The following GRIK3 variants were observed in gnomAD, a reference collection of about 807,000 sequenced individuals.
GRIK3 encodes the protein glutamate ionotropic receptor kainate type subunit 3, also known as glutamate receptor ionotropic, kainate 3.
Under a neutral mutation model 102.5 loss-of-function variants are expected in GRIK3, and 29 were observed. That is an observed-to-expected ratio of 0.28 (90% CI 0.21 to 0.39). The LOEUF is 0.39. GRIK3 is among the 10% of genes least tolerant of loss of function. GRIK3 has a pLI of 1.00. For missense variants in GRIK3, 908 were observed against 1,252.4 expected (o/e 0.73, Z 4.15); for synonymous variants, 511 against 504.9 (o/e 1.01, Z -0.16).
intron 3 of GRIK3, among the ~76,000 whole-genome samples, chr1:36,878,725 G>A (rs1640934997): frequency 6.6e-6 from 1 of 152,244 alleles, no homozygotes; most frequent in Admixed American, 6.5e-5. Flanking sequence ...AGGCCTGTAG[G>A]TGCATGCTGG....
chr1:36,924,799 G>A (rs958107942), intron 1 of GRIK3, among the ~76,000 whole-genome samples: 1 of 152,036 alleles, frequency 6.6e-6, no homozygotes, highest in African/African-American at 2.4e-5. Context: ...CCTGGCTCTT[G>A]AGCACACGTG....
intron 1 of GRIK3, among the ~76,000 whole-genome samples, chr1:36,981,355 C>T (rs1642246245): frequency 6.6e-6 from 1 of 152,158 alleles, no homozygotes; most frequent in African/African-American, 2.4e-5. Flanking sequence ...CATCACCATG[C>T]CCCTTTAGTT....
intron 1 of GRIK3, among the ~76,000 whole-genome samples, chr1:37,008,847 G>A (rs1642559043): frequency 6.6e-6 from 1 of 152,228 alleles, no homozygotes; most frequent in African/African-American, 2.4e-5. Flanking sequence ...AGTCAGGAGA[G>A]AATTAAGTCA....
chr1:36,830,315 T>A (rs1330946401), intron 10 of GRIK3, among the ~76,000 whole-genome samples: 2 of 152,096 alleles, frequency 1.3e-5, no homozygotes, highest in Non-Finnish European at 2.9e-5. Flanking sequence ...GCCCAACATT[T>A]TACCACTCTA....
At chr1:36,866,617 T>C (rs1051351894) in intron 5 of GRIK3, among the ~76,000 whole-genome samples, 4 of 152,206 alleles carry the variant, frequency 2.6e-5, no homozygotes, top group African/African-American at 9.7e-5. Flanking sequence ...TTTTATGACG[T>C]CAATGCACTC....
Position 36,957,428 on chromosome 1 carries a change from CCT to C in GRIK3, c.116-66334_116-66333del, listed in dbSNP as rs1557440292. Among the ~76,000 whole-genome samples, 52 of 23,460 alleles carry C rather than the reference CCT, an allele frequency of 2.2e-3. 13 individuals carry two copies. Among genetic ancestry groups the C allele is most frequent in the Non-Finnish European group, 2.8e-3 (26 of 9,408 alleles). The allele number at this position is 23,460 out of a possible 152,430, so 15.4% of individuals were successfully genotyped here. The stretch of plus-strand genomic sequence containing the variant: ...CCCGTGAGCCTGTGTGCCCCATGAG[CCT>C]CTGTGCTCTGTGAGTCTGTGCCCTG... On this transcript the variant is annotated intron_variant, in intron 1 of 15. Coordinates refer to ENST00000373091, the MANE Select transcript of GRIK3 (RefSeq NM_000831.4).
intron 1 of GRIK3, among the ~76,000 whole-genome samples, chr1:36,995,030 G>A (rs1385615571): frequency 1.3e-5 from 2 of 152,102 alleles, no homozygotes; most frequent in African/African-American, 2.4e-5. Context: ...TTTGCAGAGC[G>A]GCAGGCCTGA....
rs1642668445 is a variant in GRIK3, at chr1:36,819,097, C to A, written c.1873+639G>T. On this transcript the variant is annotated intron_variant, in intron 12 of 15. Coordinates refer to ENST00000373091, the MANE Select transcript of GRIK3 (RefSeq NM_000831.4). This position sits in a 1 kb window ranked among gnomAD's most constrained non-coding sequence, Gnocchi z 4.1. ...CAGATAGTTCCAAAGCACATTGGCCCTCCCTCCAGAGGATGTAAGAGAATT... is the reference window on the plus strand; with the variant it reads ...CAGATAGTTCCAAAGCACATTGGCCATCCCTCCAGAGGATGTAAGAGAATT... 6.6e-6 allele frequency among the ~76,000 whole-genome samples: 1 copy of A among 152,222 alleles called. No homozygotes were observed. The highest frequency in any genetic ancestry group is 2.4e-5 in the African/African-American group (1 of 41,446).
intron 9 of GRIK3, among the ~76,000 whole-genome samples, chr1:36,844,146 C>A (rs1640493027): frequency 6.6e-6 from 1 of 152,210 alleles, no homozygotes; most frequent in African/African-American, 2.4e-5. Flanking sequence ...TGGAGCTTTT[C>A]AACAGTCCCT....
chr1:36,835,228 A>G (rs1244586268), intron 10 of GRIK3, among the ~76,000 whole-genome samples: 1 of 152,192 alleles, frequency 6.6e-6, no homozygotes, highest in African/African-American at 2.4e-5. Context: ...ATGCAGGTCC[A>G]ATCTGACAGC....
intron 1 of GRIK3, among the ~76,000 whole-genome samples, chr1:37,027,302 C>T (rs958789854): frequency 1.3e-5 from 2 of 152,154 alleles, no homozygotes; most frequent in African/African-American, 4.8e-5. Context: ...ATCTGAACAA[C>T]CTGTTGTCCT....
intron 11 of GRIK3, among the ~76,000 whole-genome samples, chr1:36,824,548 G>A (rs1241712589): frequency 6.6e-6 from 1 of 152,190 alleles, no homozygotes; most frequent in Non-Finnish European, 1.5e-5. Flanking sequence ...GTGAAGTGGG[G>A]GGAGGGCGGC....
intron 1 of GRIK3, among the ~76,000 whole-genome samples, chr1:37,008,473 C>T (rs967968912): frequency 6.6e-6 from 1 of 152,268 alleles, no homozygotes; most frequent in Non-Finnish European, 1.5e-5. Context: ...TTCAACTTTA[C>T]TGTGTGTTCA....
chr1:36,982,245 A>C (rs932435707), intron 1 of GRIK3, among the ~76,000 whole-genome samples: 1 of 152,070 alleles, frequency 6.6e-6, no homozygotes, highest in Non-Finnish European at 1.5e-5. Context: ...CTGGGACAGG[A>C]CTCTGATGGT....
intron 1 of GRIK3, among the ~76,000 whole-genome samples, chr1:37,013,203 C>T (rs1642615947): frequency 6.6e-6 from 1 of 152,150 alleles, no homozygotes; most frequent in Non-Finnish European, 1.5e-5. Context: ...ACCAAGAGAA[C>T]AGTATGGGGG....
chr1:37,007,871 C>G (rs1303582086), intron 1 of GRIK3, among the ~76,000 whole-genome samples: 1 of 152,172 alleles, frequency 6.6e-6, no homozygotes, highest in Non-Finnish European at 1.5e-5. Flanking sequence ...CGAGCAGCAG[C>G]AGTGGGAGGT....
intron 5 of GRIK3, among the ~76,000 whole-genome samples, chr1:36,860,573 G>T (rs116057778): frequency 1.3e-5 from 2 of 152,182 alleles, no homozygotes; most frequent in Non-Finnish European, 2.9e-5. Context: ...GCTGAGCAGC[G>T]GTCAGCCTGT....
At chr1:36,958,918 A>C (rs1410636742) in intron 1 of GRIK3, among the ~76,000 whole-genome samples, 2 of 69,662 alleles carry the variant, frequency 2.9e-5, no homozygotes, top group Admixed American at 1.6e-4. Context: ...TCTGTGCCCC[A>C]TGAGCCTGTG....
intron 1 of GRIK3, among the ~76,000 whole-genome samples, chr1:37,029,902 G>A (rs1025337105): frequency 3.3e-5 from 5 of 152,326 alleles, no homozygotes; most frequent in South Asian, 2.1e-4. Context: ...CCATCCTGCC[G>A]GCTACAGGAG....
Sources: gnomAD v4.1 joint callset for allele counts (sites outside exome capture counted in the v4.1 genomes callset) on GRCh38, gnomAD v4.1.1 for gene constraint, Gnocchi (gnomAD v3.1) non-coding constraint, MANE v1.5 for transcripts, NCBI Gene and HGNC (gene_info 2026-07-23, HGNC 2026-07-21) for gene names.